Variants in DNAH14 observed in about 807,000 individuals in gnomAD.
DNAH14 encodes axonemal beta dynein heavy chain 14.
Under a neutral mutation model 520.9 loss-of-function variants are expected in DNAH14, and 478 were observed. The ratio of observed to expected loss-of-function variants is 0.92; its 90% CI spans 0.85 to 0.99. The LOEUF (loss-of-function observed/expected upper bound fraction) is 0.99. DNAH14 is among the 50% of genes least tolerant of loss of function. The probability of loss-of-function intolerance (pLI) is 0.00; values close to 1 mark genes in which losing one functional copy is unlikely to be tolerated. For synonymous variants in DNAH14, 1,581 were observed against 1,757.2 expected (o/e 0.90, Z 2.51); for missense variants, 4,831 against 5,234.5 (o/e 0.92, Z 2.38).
intron 12 of DNAH14, 32 bp from the exon 13 acceptor site, chr1:225,042,803 C>T: frequency 6.6e-7 from 1 of 1,524,918 alleles, no homozygotes; most frequent in South Asian, 1.3e-5. Context: ...TATATGTTGT[C>T]ACTGGCACCC....
At chr1:225,184,179 C>T (rs2084386728) in intron 36 of DNAH14, among the ~76,000 whole-genome samples, 1 of 152,070 alleles carries the variant, frequency 6.6e-6, no homozygotes, top group Non-Finnish European at 1.5e-5. Flanking sequence ...ATGCAAAAAT[C>T]CTCAACAAAA....
intron 61 of DNAH14, among the ~76,000 whole-genome samples, chr1:225,322,115 G>A (rs1409883467): frequency 2.1e-5 from 2 of 95,430 alleles, no homozygotes; most frequent in African/African-American, 8.2e-5. Context: ...TTTTGAGACA[G>A]TGTCTCACTT....
intron 64 of DNAH14, among the ~76,000 whole-genome samples, chr1:225,330,257 A>G (rs946743961): frequency 6.6e-6 from 1 of 152,210 alleles, no homozygotes; most frequent in Non-Finnish European, 1.5e-5. Flanking sequence ...GTTCCTCAAA[A>G]AACTAAAAAT....
At chr1:225,052,904 C>T (rs941968770) in intron 17 of DNAH14, among the ~76,000 whole-genome samples, 6 of 152,084 alleles carry the variant, frequency 3.9e-5, no homozygotes, top group African/African-American at 7.2e-5. Context: ...GTTGGCTTCA[C>T]GAAGCCATCA....
Position 225,275,962 on chromosome 1 carries a change from G to A in DNAH14, c.8059G>A (p.Asp2687Asn), listed in dbSNP as rs139192897. Residue 2687 changes from aspartate (D) to asparagine (N), a missense_variant, in exon 53 of 86, where the codon GAC becomes AAC. By Grantham distance (23) the Asp-to-Asn change is conservative. Coordinates refer to ENST00000682510, the MANE Select transcript of DNAH14 (RefSeq NM_001367479.1). ...GATGAATCACTCAACTGTATTTTTGGACTTCTTGGATATAAACAAGACTCA... is the reference window on the plus strand; with the variant it reads ...GATGAATCACTCAACTGTATTTTTGAACTTCTTGGATATAAACAAGACTCA... ...NLMNHSTVFLDFLDINKTHRK... is the reference protein window; with the variant it reads ...NLMNHSTVFLNFLDINKTHRK... 849 of 396,122 alleles carry A rather than the reference G, an allele frequency of 2.1e-3. 3 individuals are homozygous for A. The highest frequency in any genetic ancestry group is 0.011 in the Middle Eastern group (29 of 2,724). The allele number at this position is 396,122 out of a possible 1,614,324, so 24.5% of individuals were successfully genotyped here. A position where few individuals can be genotyped will look rare whatever the true frequency, so the allele number is the denominator to read the frequency against.
At position 225,381,496 on chromosome 1, in the gene DNAH14, A is replaced by G; in HGVS notation, c.12994A>G (p.Ile4332Val). Reference sequence around the variant, plus strand: ...ATCCTTAAAAGATCTTCAGCTTGCTATAAAAGGAGAGATCATCCTCACCCA... The same window carrying G: ...ATCCTTAAAAGATCTTCAGCTTGCTGTAAAAGGAGAGATCATCCTCACCCA... ...HKSLKDLQLA[I>V]KGEIILTQEL... Residue 4332 changes from isoleucine to valine, a missense_variant, in exon 81 of 86, where the codon ATA becomes GTA. By Grantham distance (29) the Ile-to-Val change is conservative (BLOSUM62 3). Coordinates refer to ENST00000682510, the MANE Select transcript of DNAH14 (RefSeq NM_001367479.1). The G allele has an allele frequency of 1.9e-6, 3 of 1,549,982 alleles. No homozygotes were observed. The highest frequency in any genetic ancestry group is 2.6e-6 in the Non-Finnish European group (3 of 1,146,500).
chr1:224,945,048 A>G (rs2059702110), intron 1 of DNAH14, among the ~76,000 whole-genome samples: 1 of 152,156 alleles, frequency 6.6e-6, no homozygotes, highest in Non-Finnish European at 1.5e-5. Flanking sequence ...CTGCCTTGCT[A>G]GACTGGGGAA....
intron 29 of DNAH14, 88 bp downstream of exon 29, chr1:225,144,716 C>T: frequency 9.6e-7 from 1 of 1,042,128 alleles, no homozygotes; most frequent in Non-Finnish European, 1.4e-6. Context: ...ACCATTCCTG[C>T]TATTAAGATG....
chr1:225,010,435 G>A (rs2147892523), intron 10 of DNAH14, among the ~76,000 whole-genome samples: 1 of 152,138 alleles, frequency 6.6e-6, no homozygotes, highest in Non-Finnish European at 1.5e-5. Context: ...TTGCATCCTA[G>A]GGATGAACCT....
At chr1:225,213,773 G>A (rs2088832556) in intron 41 of DNAH14, among the ~76,000 whole-genome samples, 1 of 152,164 alleles carries the variant, frequency 6.6e-6, no homozygotes, top group Admixed American at 6.5e-5. Flanking sequence ...GTGAGACTTT[G>A]CTGAAGTTGC....
chr1:225,345,208 C>A (rs182384775), intron 69 of DNAH14, among the ~76,000 whole-genome samples: 33 of 152,248 alleles, frequency 2.2e-4, no homozygotes, highest in Non-Finnish European at 4.1e-4. Context: ...TTATTCCCAG[C>A]AATGGTCATA....
At chr1:224,932,774 G>A (rs2058777363) in intron 1 of DNAH14, among the ~76,000 whole-genome samples, 1 of 152,024 alleles carries the variant, frequency 6.6e-6, no homozygotes, top group Non-Finnish European at 1.5e-5. Context: ...TCTTTATTTG[G>A]TACAATTGGT....
At chr1:225,296,337 G>C (rs76664637) in intron 55 of DNAH14, among the ~76,000 whole-genome samples, 1 of 152,052 alleles carries the variant, frequency 6.6e-6, no homozygotes, top group Admixed American at 6.6e-5. Flanking sequence ...TGAGATTATC[G>C]GGGTCAAACA....
At chr1:225,237,748 C>T (rs2091697349) in intron 42 of DNAH14, among the ~76,000 whole-genome samples, 1 of 152,148 alleles carries the variant, frequency 6.6e-6, no homozygotes, top group Admixed American at 6.5e-5. Flanking sequence ...GAACCCCAAT[C>T]AGTCATAGGT....
intron 45 of DNAH14, 150 bp from the exon 46 acceptor site, chr1:225,258,971 C>T (rs2092833908): frequency 1.0e-5 from 8 of 778,500 alleles, no homozygotes; most frequent in Non-Finnish European, 1.6e-5. Flanking sequence ...CATTTAACCA[C>T]TCTTAACCAC....
At chr1:224,998,496 T>C (rs1310397523) in intron 8 of DNAH14, among the ~76,000 whole-genome samples, 1 of 152,198 alleles carries the variant, frequency 6.6e-6, no homozygotes, top group Non-Finnish European at 1.5e-5. Flanking sequence ...AATTTTTAAT[T>C]TTCCTCGAGT....
At chr1:224,964,023 T>G (rs948806265) in intron 4 of DNAH14, among the ~76,000 whole-genome samples, 2 of 152,118 alleles carry the variant, frequency 1.3e-5, no homozygotes, top group African/African-American at 2.4e-5. Flanking sequence ...AAAGAGACTC[T>G]TTCAAGAAGG....
chr1:225,184,806 C>T (rs1394295111), intron 36 of DNAH14, among the ~76,000 whole-genome samples: 1 of 151,390 alleles, frequency 6.6e-6, no homozygotes, highest in Non-Finnish European at 1.5e-5. Flanking sequence ...AGAAAGAAGC[C>T]ATACTGAATA....
At chr1:225,143,170 G>C (rs2079605753) in intron 28 of DNAH14, among the ~76,000 whole-genome samples, 2 of 151,930 alleles carry the variant, frequency 1.3e-5, no homozygotes, top group South Asian at 4.1e-4. Context: ...GAGAAGCTGT[G>C]TTCTAAGGGA....
Sources: gnomAD v4.1 joint callset for allele counts (sites outside exome capture counted in the v4.1 genomes callset) on GRCh38, gnomAD v4.1.1 for gene constraint, MANE v1.5 for transcripts, NCBI Gene and HGNC (gene_info 2026-07-23, HGNC 2026-07-21) for gene names.